The following AFG2A variants were observed in gnomAD, a reference collection of about 807,000 sequenced individuals.
AFG2A encodes the protein AAA ATPase AFG2A.
At chr4:123,130,635 C>G in the AFG2A span, among the ~76,000 whole-genome samples, 1 of 152,148 alleles carries the variant, frequency 6.6e-6, no homozygotes, top group Non-Finnish European at 1.5e-5. Flanking sequence ...TATATAGATG[C>G]ACTACAGTTT....
the AFG2A span, among the ~76,000 whole-genome samples, chr4:123,143,783 T>C: frequency 6.6e-6 from 1 of 150,980 alleles, no homozygotes; most frequent in Non-Finnish European, 1.5e-5. Flanking sequence ...AAAATACTCC[T>C]GAACCCAAAG....
chr4:123,050,108 C>T, the AFG2A span, among the ~76,000 whole-genome samples: 1 of 151,786 alleles, frequency 6.6e-6, no homozygotes, highest in Non-Finnish European at 1.5e-5. Flanking sequence ...GTACAGTTTC[C>T]AAAGTTGTTC....
chr4:122,934,142 A>G, the AFG2A span: 3 of 1,613,974 alleles, frequency 1.9e-6, no homozygotes, highest in Non-Finnish European at 2.5e-6. Flanking sequence ...TGTACATTCT[A>G]TGGACGACCG....
At chr4:123,128,665 TAGCTG>T in the AFG2A span, among the ~76,000 whole-genome samples, 1 of 152,178 alleles carries the variant, frequency 6.6e-6, no homozygotes, top group African/African-American at 2.4e-5. Flanking sequence ...TTAATTATTA[TAGCTG>T]AGAGTTCACT....
chr4:123,187,407 C>T, the AFG2A span, among the ~76,000 whole-genome samples: 3 of 152,154 alleles, frequency 2.0e-5, no homozygotes, highest in East Asian at 1.9e-4. Flanking sequence ...AGTTACCCAA[C>T]GTATTAGTTG....
At chr4:123,271,398 G>A in the AFG2A span, among the ~76,000 whole-genome samples, 1,027 of 152,084 alleles carry the variant, frequency 6.8e-3, 15 homozygotes, top group African/African-American at 0.023. Context: ...GGGTTTTTTC[G>A]TTTTGTTTTA....
the AFG2A span, among the ~76,000 whole-genome samples, chr4:123,189,898 C>T: frequency 1.4e-5 from 2 of 146,424 alleles, no homozygotes; most frequent in Non-Finnish European, 3.0e-5. Flanking sequence ...CACTGCAGCC[C>T]GGGTTCAGGT....
the AFG2A span, among the ~76,000 whole-genome samples, chr4:123,291,959 G>A: frequency 1.3e-5 from 2 of 152,242 alleles, no homozygotes; most frequent in South Asian, 4.2e-4. Flanking sequence ...CTCTCAGATA[G>A]GTTTTCTGAA....
chr4:122,936,051 CT>C, the AFG2A span: 1 of 1,488,486 alleles, frequency 6.7e-7, no homozygotes, highest in Non-Finnish European at 9.1e-7. Flanking sequence ...ATAGACAAAG[CT>C]TTAAAAACAA....
chr4:122,985,021 A>G, the AFG2A span, among the ~76,000 whole-genome samples: 1 of 152,170 alleles, frequency 6.6e-6, no homozygotes, highest in African/African-American at 2.4e-5. Context: ...AGTAGTGTCA[A>G]AAGGATTGAA....
chr4:123,205,810 T>C, the AFG2A span, among the ~76,000 whole-genome samples: 1 of 152,186 alleles, frequency 6.6e-6, no homozygotes, highest in Admixed American at 6.5e-5. Context: ...TTAATTGTTA[T>C]ATCATTACAA....
the AFG2A span, among the ~76,000 whole-genome samples, chr4:123,150,528 A>G: frequency 1.4e-3 from 212 of 152,176 alleles, no homozygotes; most frequent in African/African-American, 4.8e-3. Flanking sequence ...ACAATTGCTA[A>G]AAAGAGAATA....
chr4:123,160,062 G>A, the AFG2A span, among the ~76,000 whole-genome samples: 1 of 151,970 alleles, frequency 6.6e-6, no homozygotes, highest in African/African-American at 2.4e-5. Flanking sequence ...TCCTTCTAGA[G>A]TAACAATATT....
chr4:123,119,301 G>A, the AFG2A span, among the ~76,000 whole-genome samples: 2 of 152,106 alleles, frequency 1.3e-5, no homozygotes, highest in Admixed American at 1.3e-4. Context: ...TCATTGAATG[G>A]AATAGAAGGA....
At chr4:123,263,353 T>G in the AFG2A span, among the ~76,000 whole-genome samples, 2 of 152,218 alleles carry the variant, frequency 1.3e-5, no homozygotes, top group Admixed American at 6.5e-5. Context: ...GGCACCCTTT[T>G]GTAGATACAA....
the AFG2A span, among the ~76,000 whole-genome samples, chr4:123,247,220 C>G: frequency 1.1e-5 from 1 of 93,828 alleles, no homozygotes. Context: ...TGCTTACTTG[C>G]GTGCGTGTGT....
chr4:122,927,688 A>C, the AFG2A span: 1 of 1,613,158 alleles, frequency 6.2e-7, no homozygotes, highest in South Asian at 1.1e-5. Context: ...CTTGGACTCA[A>C]CACTATGAAG....
At chr4:123,026,433 G>T in the AFG2A span, among the ~76,000 whole-genome samples, 1 of 151,876 alleles carries the variant, frequency 6.6e-6, no homozygotes, top group South Asian at 2.1e-4. Flanking sequence ...TAACACGAAC[G>T]ATAGGTGATG....
chr4:123,081,231 C>T, the AFG2A span, among the ~76,000 whole-genome samples: 1 of 152,222 alleles, frequency 6.6e-6, no homozygotes, highest in Non-Finnish European at 1.5e-5. Context: ...AGTTCCACTG[C>T]ATTAAAAATC....
Sources: allele counts gnomAD v4.1 joint callset (sites outside exome capture counted in the v4.1 genomes callset), GRCh38; gene constraint gnomAD v4.1.1; transcripts MANE v1.5; gene names NCBI Gene and HGNC (gene_info 2026-07-23, HGNC 2026-07-21).